The following SLC5A1 variants were observed in gnomAD, a reference collection of about 807,000 sequenced individuals.
SLC5A1 encodes the protein sodium/glucose cotransporter 1.
Under a neutral mutation model 73.5 loss-of-function variants are expected in SLC5A1, and 42 were observed. The ratio of observed to expected loss-of-function variants is 0.57; its 90% confidence interval spans 0.45 to 0.74. The LOEUF (loss-of-function observed/expected upper bound fraction) is 0.74. Among genes scored for constraint, SLC5A1 ranks in the 30% least tolerant of loss-of-function variants. SLC5A1 has a pLI of 0.00. For synonymous variants in SLC5A1, 300 were observed against 317.4 expected, an observed-to-expected ratio of 0.95 and a Z score of 0.58; for missense variants, 634 against 855.4, an observed-to-expected ratio of 0.74 and a Z score of 3.23.
chr22:32,049,484 A>T (rs1179478240), intron 1 of SLC5A1, among the ~76,000 whole-genome samples: 1 of 142,002 alleles, frequency 7.0e-6, no homozygotes, highest in Non-Finnish European at 1.5e-5. Context: ...GGCTCAAATG[A>T]TTCTCCCACC....
intron 2 of SLC5A1, among the ~76,000 whole-genome samples, chr22:32,053,431 CTCTT>C (rs1028647976): frequency 6.6e-5 from 10 of 151,936 alleles, no homozygotes; most frequent in Middle Eastern, 3.4e-3. Flanking sequence ...CTTCATCCTT[CTCTT>C]TTTTTGGTGG....
At position 32,069,996 on chromosome 22, in the gene SLC5A1, T is replaced by C. The variant is rs975532416; in HGVS notation, c.477+1396T>C. On this transcript the variant is annotated intron_variant, in intron 5 of 14. Transcript: ENST00000266088. ...TGGAATCAGCTCTGTGGGCCTTTAA[T>C]TGCTAACTCTCTGGGGGATGTTTAC... Among the ~76,000 whole-genome samples the C allele has an allele frequency of 2.6e-5, 4 of 152,260 alleles. No individual in the cohort carries two copies. In the South Asian group the frequency reaches 6.2e-4, roughly 24 times the overall value.
At chr22:32,091,517 C>T (rs2094017535) in intron 10 of SLC5A1, 95 bp from the exon 11 acceptor site, 1 of 1,427,626 alleles carries the variant, frequency 7.0e-7, no homozygotes, top group Non-Finnish European at 9.8e-7. Context: ...GGCATGGTTT[C>T]AGAAGGCAAA....
intron 5 of SLC5A1, among the ~76,000 whole-genome samples, chr22:32,071,976 A>G (rs967794591): frequency 2.0e-5 from 3 of 152,220 alleles, no homozygotes; most frequent in African/African-American, 7.2e-5. Flanking sequence ...AACACTGATC[A>G]CTTAGCTTTA....
chr22:32,082,360 C>T (rs1419021917), intron 6 of SLC5A1, among the ~76,000 whole-genome samples: 2 of 151,998 alleles, frequency 1.3e-5, no homozygotes, highest in East Asian at 1.9e-4. Flanking sequence ...ACTGAAGGAT[C>T]GTGGGGGTTT....
intron 12 of SLC5A1, among the ~76,000 whole-genome samples, chr22:32,099,918 C>T (rs186693068): frequency 1.6e-4 from 25 of 152,234 alleles, no homozygotes; most frequent in African/African-American, 4.6e-4. Flanking sequence ...AAACAAAGTG[C>T]GTAAGAAGTA....
chr22:32,110,448 C>G lies in SLC5A1; in HGVS notation c.*235C>G. On this transcript the variant is annotated 3_prime_UTR_variant, in exon 15 of 15. Coordinates refer to ENST00000266088, the MANE Select transcript of SLC5A1 (RefSeq NM_000343.4). ...CCTACTGGAGCTGCAGAAGGGAAGT[C>G]CACTCAGTCACATCCAGAAAAAGGC... 1.8e-6 allele frequency: 1 copy of G among 567,358 alleles called. No homozygotes were observed. 35.1% of individuals were successfully genotyped at this position (567,358 alleles called of 1,614,324 possible).
intron 14 of SLC5A1, among the ~76,000 whole-genome samples, chr22:32,108,108 A>AT (rs747034400): frequency 0.11 from 16,220 of 142,414 alleles, 1,076 homozygotes; most frequent in African/African-American, 0.2. Flanking sequence ...AGGCCATTCA[A>AT]TTTTTTTTTT....
intron 5 of SLC5A1, among the ~76,000 whole-genome samples, chr22:32,077,808 T>C (rs2093993370): frequency 6.6e-6 from 1 of 152,256 alleles, no homozygotes; most frequent in South Asian, 2.1e-4. Context: ...TTCTAGACTA[T>C]GTTTTTATAT....
intron 8 of SLC5A1, 104 bp downstream of exon 8, chr22:32,084,763 CA>C: frequency 6.7e-7 from 1 of 1,500,842 alleles, no homozygotes; most frequent in South Asian, 1.1e-5. Flanking sequence ...GGGGAGAGCT[CA>C]GGTGGTTTGT....
intron 2 of SLC5A1, 139 bp from the exon 3 acceptor site, chr22:32,066,796 T>G (rs571874418): frequency 2.9e-6 from 2 of 689,610 alleles, no homozygotes; most frequent in South Asian, 3.0e-5. Flanking sequence ...TCCCTGATGA[T>G]TCCAGCACAG....
intron 2 of SLC5A1, among the ~76,000 whole-genome samples, chr22:32,051,748 T>C (rs1236221865): frequency 6.6e-6 from 1 of 152,036 alleles, no homozygotes; most frequent in Non-Finnish European, 1.5e-5. Flanking sequence ...AACAAAATAG[T>C]TGACAAACTT....
intron 2 of SLC5A1, among the ~76,000 whole-genome samples, chr22:32,053,822 C>A (rs2093948138): frequency 6.6e-6 from 1 of 152,192 alleles, no homozygotes; most frequent in Admixed American, 6.5e-5. Flanking sequence ...ATGTAAATCT[C>A]TTAGGACACT....
At position 32,086,295 on chromosome 22, in the gene SLC5A1, A is replaced by G. The variant is rs2149492851; in HGVS notation, c.1097A>G (p.Tyr366Cys). The part of the protein sequence containing the change: ...GTKVGCTNIA[Y>C]PTLVVELMPN... ...AAGGTTGGCTGTACCAACATCGCCT[A>G]TCCAACCTTAGTGGTGGAGCTCATG... The change falls in exon 10 of 15, where the codon TAT (tyrosine) becomes TGT (cysteine). Residue 366 changes from tyrosine to cysteine, a missense_variant. Tyr to Cys is a radical substitution (Grantham distance 194, BLOSUM62 -2). Coordinates refer to ENST00000266088, the MANE Select transcript of SLC5A1 (RefSeq NM_000343.4). 6.2e-7 allele frequency: 1 copy of G among 1,613,714 alleles called. No homozygotes were observed. The highest frequency in any genetic ancestry group is 8.5e-7 in the Non-Finnish European group (1 of 1,179,594).
chr22:32,068,224 G>A (rs2093977280), intron 4 of SLC5A1, among the ~76,000 whole-genome samples, 198 bp downstream of exon 4: 2 of 152,180 alleles, frequency 1.3e-5, no homozygotes, highest in Admixed American at 1.3e-4. Context: ...CAGGGCAAGG[G>A]TCTGGCTCCT....
intron 2 of SLC5A1, among the ~76,000 whole-genome samples, chr22:32,060,337 A>G (rs1004564801): frequency 6.6e-6 from 1 of 151,896 alleles, no homozygotes; most frequent in Non-Finnish European, 1.5e-5. Flanking sequence ...AATTACAGGC[A>G]CCTACCACTA....
chr22:32,077,477 G>A (rs1334517835), intron 5 of SLC5A1, among the ~76,000 whole-genome samples: 4 of 151,792 alleles, frequency 2.6e-5, no homozygotes, highest in African/African-American at 7.3e-5. Context: ...AGAGCAATCT[G>A]GGATAAGCTG....
chr22:32,057,813 A>G (rs1035213862), intron 2 of SLC5A1, among the ~76,000 whole-genome samples: 2 of 152,184 alleles, frequency 1.3e-5, no homozygotes, highest in African/African-American at 2.4e-5. Flanking sequence ...CACACAAAAC[A>G]TAACTGTAGC....
At chr22:32,060,014 TACACACACACACACAC>T (rs58053068) in intron 2 of SLC5A1, among the ~76,000 whole-genome samples, 25 of 137,684 alleles carry the variant, frequency 1.8e-4, no homozygotes, top group East Asian at 6.4e-4. Flanking sequence ...GCCATGGTTA[TACACACACACACACAC>T]ACACACACAC....
Sources: allele counts gnomAD v4.1 joint callset (sites outside exome capture counted in the v4.1 genomes callset), GRCh38; gene constraint gnomAD v4.1.1; transcripts MANE v1.5; gene names NCBI Gene and HGNC (gene_info 2026-07-23, HGNC 2026-07-21).